Variants in PTPRD observed in about 807,000 individuals in gnomAD.
The protein encoded by PTPRD is receptor-type tyrosine-protein phosphatase delta.
In PTPRD, 34 loss-of-function variants were observed where a neutral mutation model predicts 214.5. The ratio of observed to expected loss-of-function variants is 0.16; its 90% CI spans 0.12 to 0.21. PTPRD has a LOEUF of 0.21. Among genes scored for constraint, PTPRD ranks in the 10% least tolerant of loss-of-function variants. PTPRD has a pLI of 1.00. For missense variants in PTPRD, 2,545 were observed against 2,398.7 expected (o/e 1.06, Z -1.27); for synonymous variants, 1,128 against 845.7 (o/e 1.33, Z -5.79).
intron 12 of PTPRD, among the ~76,000 whole-genome samples, chr9:8,653,999 C>G (rs555298784): frequency 1.3e-5 from 2 of 152,126 alleles, no homozygotes; most frequent in Non-Finnish European, 1.5e-5. Context: ...CCTTTCACTA[C>G]TGACATTTTG....
At chr9:9,466,056 A>G (rs1404399419) in intron 8 of PTPRD, among the ~76,000 whole-genome samples, 1 of 152,102 alleles carries the variant, frequency 6.6e-6, no homozygotes, top group Non-Finnish European at 1.5e-5. Context: ...CACCTATAAT[A>G]CCAGCACTTT....
chr9:9,900,696 G>A (rs1426971531), intron 5 of PTPRD, among the ~76,000 whole-genome samples: 2 of 147,486 alleles, frequency 1.4e-5, no homozygotes, highest in Admixed American at 6.8e-5. Flanking sequence ...GAATGCAGTG[G>A]CACGATCTTG....
chr9:9,126,492 T>C (rs1044132995), intron 10 of PTPRD, among the ~76,000 whole-genome samples: 3 of 152,164 alleles, frequency 2.0e-5, no homozygotes, highest in African/African-American at 7.2e-5. Flanking sequence ...ATAAACAAGA[T>C]TAAAATTTCT....
At chr9:10,164,514 A>T (rs940358602) in intron 3 of PTPRD, among the ~76,000 whole-genome samples, 1 of 151,528 alleles carries the variant, frequency 6.6e-6, no homozygotes, top group African/African-American at 2.4e-5. Flanking sequence ...AGTATGGAAG[A>T]TCTAATTGAG....
chr9:9,134,003 G>A (rs2099846865), intron 10 of PTPRD, among the ~76,000 whole-genome samples: 3 of 149,404 alleles, frequency 2.0e-5, no homozygotes, highest in Admixed American at 6.7e-5. Context: ...CCCCAAATCT[G>A]CTACTCCTGC....
At chr9:9,386,277 G>A (rs2063840367) in intron 9 of PTPRD, among the ~76,000 whole-genome samples, 3 of 152,108 alleles carry the variant, frequency 2.0e-5, no homozygotes, top group South Asian at 4.1e-4. Context: ...TGAACCACAT[G>A]GGGATTCATC....
intron 12 of PTPRD, among the ~76,000 whole-genome samples, chr9:8,662,816 C>G (rs902876826): frequency 6.6e-6 from 1 of 152,078 alleles, no homozygotes; most frequent in African/African-American, 2.4e-5. Flanking sequence ...CTGAAAACAA[C>G]TGTTTTAAAT....
At chr9:10,147,365 T>G (rs2099030530) in intron 3 of PTPRD, among the ~76,000 whole-genome samples, 1 of 152,188 alleles carries the variant, frequency 6.6e-6, no homozygotes, top group African/African-American at 2.4e-5. Flanking sequence ...CAAATGACTA[T>G]AAATCATGCT....
intron 10 of PTPRD, among the ~76,000 whole-genome samples, chr9:9,117,096 T>C (rs1490046361): frequency 6.6e-6 from 1 of 152,142 alleles, no homozygotes; most frequent in African/African-American, 2.4e-5. Flanking sequence ...AGCAGAAGGA[T>C]GCTATCTGGA....
rs918866534 is a variant in PTPRD at position 9,359,442 on chromosome 9, C to G, written c.-203+38007G>C. ...AGGTTGTGAAGATTTCTAACAATCT[C>G]TCTCTTTTCATCTCTGTCCTGATCT... On this transcript the variant is annotated intron_variant, in intron 9 of 45. Transcript: ENST00000381196. 4.0e-5 allele frequency among the ~76,000 whole-genome samples: 6 copies of G among 151,246 alleles called. No individual in the cohort carries two copies. In the Admixed American group the frequency reaches 4.0e-4, roughly 10 times the overall value.
chr9:10,172,470 G>A (rs1048592540), intron 3 of PTPRD, among the ~76,000 whole-genome samples: 3 of 152,088 alleles, frequency 2.0e-5, no homozygotes, highest in African/African-American at 7.2e-5. Context: ...TGAATTACTT[G>A]AAAGTGATAT....
chr9:9,860,491 G>T (rs1048163698), intron 5 of PTPRD, among the ~76,000 whole-genome samples: 4 of 152,184 alleles, frequency 2.6e-5, no homozygotes, highest in Admixed American at 2.0e-4. Flanking sequence ...AGAAGATAAA[G>T]ATATTGAGCA....
intron 8 of PTPRD, among the ~76,000 whole-genome samples, chr9:9,535,849 C>A (rs1252390861): frequency 6.6e-6 from 1 of 151,960 alleles, no homozygotes; most frequent in East Asian, 1.9e-4. Flanking sequence ...TGTGTGTACA[C>A]ACAGGAGAAG....
intron 8 of PTPRD, among the ~76,000 whole-genome samples, chr9:9,550,619 AG>A (rs1167750769): frequency 1.3e-5 from 2 of 150,986 alleles, no homozygotes; most frequent in African/African-American, 4.8e-5. Flanking sequence ...CATAATACAA[AG>A]TTCATAAAAA....
chr9:10,226,304 G>C (rs2099588719), intron 3 of PTPRD, among the ~76,000 whole-genome samples: 1 of 152,044 alleles, frequency 6.6e-6, no homozygotes, highest in African/African-American at 2.4e-5. Context: ...AAAACACTGT[G>C]GAGCTCATGT....
At chr9:9,731,464 T>G (rs1047023389) in intron 7 of PTPRD, among the ~76,000 whole-genome samples, 6 of 30,378 alleles carry the variant, frequency 2.0e-4, no homozygotes, top group South Asian at 7.5e-4. Context: ...AATTTAAGGT[T>G]TTTTTTTAAT....
At chr9:10,604,419 G>C (rs1591831447) in intron 2 of PTPRD, among the ~76,000 whole-genome samples, 1 of 151,786 alleles carries the variant, frequency 6.6e-6, no homozygotes, top group Admixed American at 6.6e-5. Context: ...TTTTCCAAGT[G>C]GGAGAGGTGT....
chr9:9,364,844 GT>G (rs1342913185), intron 9 of PTPRD, among the ~76,000 whole-genome samples: 2 of 151,256 alleles, frequency 1.3e-5, no homozygotes, highest in African/African-American at 4.9e-5. Flanking sequence ...GCTGTGAGCA[GT>G]GTTGAGTGTG....
intron 11 of PTPRD, among the ~76,000 whole-genome samples, chr9:8,936,960 G>A (rs1190743685): frequency 6.6e-6 from 1 of 152,058 alleles, no homozygotes; most frequent in Non-Finnish European, 1.5e-5. Context: ...CTAGTAAGAG[G>A]AGCACTTTTT....
Sources: gnomAD v4.1 joint callset for allele counts (sites outside exome capture counted in the v4.1 genomes callset) on GRCh38, gnomAD v4.1.1 for gene constraint, MANE v1.5 for transcripts, NCBI Gene and HGNC (gene_info 2026-07-23, HGNC 2026-07-21) for gene names.